KIF13A: variants seen among roughly 807,000 people sequenced by gnomAD.
The protein encoded by KIF13A is kinesin-like protein KIF13A.
In KIF13A, 79 loss-of-function variants were observed where a neutral mutation model predicts 212.2. The observed-to-expected ratio is 0.37, with a 90% CI of 0.31 to 0.45. The LOEUF (loss-of-function observed/expected upper bound fraction) is 0.45, where lower values mean the gene tolerates loss of function less well. Among genes scored for constraint, KIF13A ranks in the 20% least tolerant of loss-of-function variants. The pLI is 1.00. For missense variants in KIF13A, 1,901 were observed against 2,209.0 expected (o/e 0.86, Z 2.79); for synonymous variants, 789 against 808.6 (o/e 0.98, Z 0.41).
chr6:17,960,198 TA>T (rs1374217408), intron 2 of KIF13A, among the ~76,000 whole-genome samples: 1 of 151,680 alleles, frequency 6.6e-6, no homozygotes, highest in Non-Finnish European at 1.5e-5. Flanking sequence ...GGTAAAATCA[TA>T]AAAAAAGGTT....
At chr6:17,950,722 T>A (rs145800917) in intron 2 of KIF13A, 4 of 982,490 alleles carry the variant, frequency 4.1e-6, no homozygotes, top group South Asian at 9.4e-5. Flanking sequence ...ACGAAATATA[T>A]GACAAAAAAT....
chr6:17,881,130 T>C (rs940251451), intron 3 of KIF13A, among the ~76,000 whole-genome samples: 8 of 152,144 alleles, frequency 5.3e-5, no homozygotes, highest in African/African-American at 1.7e-4. Flanking sequence ...TGACTCCACC[T>C]TCTCAGAATC....
chr6:17,947,128 G>GCAAATA lies in KIF13A; in HGVS notation c.146+39925_146+39926insTATTTG. Among the ~76,000 whole-genome samples, 1 of 152,118 alleles carries GCAAATA rather than the reference G, an allele frequency of 6.6e-6. No individual in the cohort carries two copies. Among genetic ancestry groups the GCAAATA allele is most frequent in the South Asian group, 2.1e-4 (1 of 4,832 alleles). Reference sequence around the variant, plus strand: ...ACCAGGCAAATATAATATTAAAGTTGTTAAATTATAAAGAAAACTAAGGAA... The same window carrying GCAAATA: ...ACCAGGCAAATATAATATTAAAGTTGCAAATATTAAATTATAAAGAAAACTAAGGAA... On this transcript the variant is annotated intron_variant, in intron 2 of 38. Coordinates refer to ENST00000259711, the MANE Select transcript of KIF13A (RefSeq NM_022113.6). This position sits in a 1 kb window ranked among gnomAD's most constrained non-coding sequence, Gnocchi z 4.6.
chr6:17,986,463 G>A (rs560853605), intron 2 of KIF13A, among the ~76,000 whole-genome samples: 1 of 152,220 alleles, frequency 6.6e-6, no homozygotes, highest in East Asian at 1.9e-4. Flanking sequence ...CCCTACTTTT[G>A]TTTCTTTGAA....
At chr6:17,925,160 A>T (rs1775388585) in intron 2 of KIF13A, among the ~76,000 whole-genome samples, 1 of 152,220 alleles carries the variant, frequency 6.6e-6, no homozygotes, top group African/African-American at 2.4e-5. Context: ...ACAAGTGCAG[A>T]AACACTGAGG....
In KIF13A at chr6:17,785,406, A is replaced by G. The variant is rs1760964645; in HGVS notation, c.3488+109T>C. The G allele has an allele frequency of 1.6e-5, 20 of 1,256,812 alleles. No individual in the cohort carries two copies. Among genetic ancestry groups the G allele is most frequent in the Non-Finnish European group, 2.1e-5 (20 of 936,764 alleles). The allele number at this position is 1,256,812 out of a possible 1,614,324, so 77.9% of individuals were successfully genotyped here. A position where few individuals can be genotyped will look rare whatever the true frequency, so the allele number is the denominator to read the frequency against. On this transcript the variant is annotated intron_variant, in intron 28 of 38. Transcript: ENST00000259711. The surrounding 1 kb of genome is among the most constrained non-coding windows in gnomAD (Gnocchi z 5.8). ...TGAGTGGACATTCCCTAAGTAGTTC[A>G]GCTGGTTGGCATTTTCTGTGACAAT...
In KIF13A at chr6:17,850,409, C is replaced by A; in HGVS notation, c.631G>T (p.Ala211Ser). The change falls in exon 8 of 39, where the codon GCT becomes TCT. Residue 211 changes from alanine (A) to serine (S), a missense_variant. Physicochemically the swap from Ala to Ser is moderately conservative, Grantham distance 99. This residue lies in a region of KIF13A where 506 missense variants were observed against 637.4 expected (regional missense o/e 0.79). Transcript: ENST00000259711. The surrounding 1 kb of genome is among the most constrained non-coding windows in gnomAD (Gnocchi z 6.2). ...SEGNKSRTVA[A>S]TNMNEESSRS... ...CTGCTTTCTTCGTTCATGTTGGTAG[C>A]AGCTACCGTTCGAGACTTATTTCCC... 6.2e-7 allele frequency: 1 copy of A among 1,613,874 alleles called. No homozygotes were observed. Among genetic ancestry groups the A allele is most frequent in the Non-Finnish European group, 8.5e-7 (1 of 1,179,832 alleles).
chr6:17,817,124 G>A lies in KIF13A; in HGVS notation c.1896C>T (p.Arg632=), dbSNP rs1764020030. The change falls in exon 17 of 39, where the codon CGC becomes CGT. Residue 632 remains arginine, a synonymous_variant. Transcript: ENST00000259711. ...GCTGCCTGTCGGGGGAGAGCTGCTG[G>A]CGGAGTTGCTCCAGTTCCCGCTCAT... ...LMYERELEQL[R]QQLSPDRQPQ... 1 of 1,614,046 alleles carries A rather than the reference G, an allele frequency of 6.2e-7. No homozygotes were observed. The highest frequency in any genetic ancestry group is 1.3e-5 in the African/African-American group (1 of 75,074).
chr6:17,838,226 C>G lies in KIF13A; in HGVS notation c.831-643G>C, dbSNP rs1411895849. Among the ~76,000 whole-genome samples, 1 of 151,398 alleles carries G rather than the reference C, an allele frequency of 6.6e-6. No homozygotes were observed. The highest frequency in any genetic ancestry group is 2.4e-5 in the African/African-American group (1 of 41,160). On this transcript the variant is annotated intron_variant, in intron 9 of 38. Transcript: ENST00000259711. The surrounding 1 kb of genome is among the most constrained non-coding windows in gnomAD (Gnocchi z 4.2). ...GTCCCAGCTACTCGGGAGGCTGAGGCAGGAAAATTGCTTGAACCCGGGAGG... is the reference window on the plus strand; with the variant it reads ...GTCCCAGCTACTCGGGAGGCTGAGGGAGGAAAATTGCTTGAACCCGGGAGG...
At chr6:17,801,613 C>T (rs550662342) in intron 20 of KIF13A, among the ~76,000 whole-genome samples, 60 of 152,262 alleles carry the variant, frequency 3.9e-4, no homozygotes, top group Middle Eastern at 3.4e-3. Flanking sequence ...TAAACTTATC[C>T]ACTAACACAT....
In KIF13A at chr6:17,764,862, C is replaced by T; in HGVS notation, c.4666G>A (p.Asp1556Asn). The T allele has an allele frequency of 6.2e-7, 1 of 1,613,898 alleles. No individual in the cohort carries two copies. Residue 1556 changes from aspartate to asparagine, a missense_variant, in exon 39 of 39, where the codon GAC becomes AAC. Asp to Asn is a conservative substitution (Grantham distance 23, BLOSUM62 1). Transcript: ENST00000259711. The surrounding 1 kb of genome is among the most constrained non-coding windows in gnomAD (Gnocchi z 5.1). ...SQPYVPVEFA[D>N]FSVYNASLEN... ...AAGCTGGCATTGTAAACACTGAAGT[C>T]AGCAAACTCCACAGGTACATAAGGC...
intron 23 of KIF13A, among the ~76,000 whole-genome samples, chr6:17,795,550 G>A (rs927944112): frequency 5.4e-5 from 8 of 148,270 alleles, no homozygotes; most frequent in East Asian, 2.0e-4. Flanking sequence ...AGCTAAGATC[G>A]CACCACTGCA....
intron 2 of KIF13A, among the ~76,000 whole-genome samples, chr6:17,908,862 A>G (rs1773768791): frequency 6.6e-6 from 1 of 152,198 alleles, no homozygotes; most frequent in Admixed American, 6.5e-5. Flanking sequence ...TTAATTCTAC[A>G]AGATATAATG....
chr6:17,838,483 G>A lies in KIF13A; in HGVS notation c.831-900C>T, dbSNP rs995718717. ...CCACAAAACATAATTCCCCAAAGAC[G>A]AGTCACTGAAAAGTCCCCGAAATAT... On this transcript the variant is annotated intron_variant, in intron 9 of 38. Transcript: ENST00000259711. The surrounding 1 kb of genome is among the most constrained non-coding windows in gnomAD (Gnocchi z 4.2). 3.9e-5 allele frequency among the ~76,000 whole-genome samples: 6 copies of A among 151,962 alleles called. No homozygotes were observed. The highest frequency in any genetic ancestry group is 7.4e-5 in the Non-Finnish European group (5 of 68,014).
intron 14 of KIF13A, among the ~76,000 whole-genome samples, chr6:17,827,037 G>A (rs1227853490): frequency 1.3e-5 from 2 of 151,150 alleles, no homozygotes; most frequent in East Asian, 1.9e-4. Flanking sequence ...ACTCCAGCCC[G>A]GGCAACAGAG....
chr6:17,934,422 G>A lies in KIF13A; in HGVS notation c.147-36242C>T, dbSNP rs906174622. 6.6e-6 allele frequency among the ~76,000 whole-genome samples: 1 copy of A among 152,080 alleles called. No homozygotes were observed. Among genetic ancestry groups the A allele is most frequent in the Non-Finnish European group, 1.5e-5 (1 of 68,014 alleles). ...TGCTACATGCTCCCAAAGCTAAAAA[G>A]CCAAATGAAATATTCCAGCAGGTAG... On this transcript the variant is annotated intron_variant, in intron 2 of 38. Coordinates refer to ENST00000259711, the MANE Select transcript of KIF13A (RefSeq NM_022113.6). The surrounding 1 kb of genome is among the most constrained non-coding windows in gnomAD (Gnocchi z 5.4).
At position 17,808,751 on chromosome 6, in the gene KIF13A, T is replaced by G. The variant is rs1763189896; in HGVS notation, c.2163+17A>C. 3 of 1,605,878 alleles carry G rather than the reference T, an allele frequency of 1.9e-6. No individual in the cohort carries two copies. In the African/African-American group the frequency reaches 4.0e-5, roughly 21 times the overall value. On this transcript the variant is annotated intron_variant, in intron 18 of 38. Coordinates refer to ENST00000259711, the MANE Select transcript of KIF13A (RefSeq NM_022113.6). ...ACTATTGTGCATCTTGCCCTCTCAC[T>G]TGAAGGACATTCTTACCTTCCTATT...
chr6:17,979,605 TAC>T (rs1780877456), intron 2 of KIF13A, among the ~76,000 whole-genome samples: 1 of 152,150 alleles, frequency 6.6e-6, no homozygotes, highest in African/African-American at 2.4e-5. Context: ...TTAGGTGAGA[TAC>T]AGTTATATCT....
intron 2 of KIF13A, chr6:17,953,728 C>A: frequency 5.2e-6 from 1 of 192,236 alleles, no homozygotes; most frequent in South Asian, 1.0e-4. Flanking sequence ...CTGTGTATAT[C>A]AAGTTGGTGC....
Sources: allele counts gnomAD v4.1 joint callset (sites outside exome capture counted in the v4.1 genomes callset), GRCh38; gene constraint gnomAD v4.1.1; regional missense constraint gnomAD v4.1.1; non-coding constraint Gnocchi (gnomAD v3.1); transcripts MANE v1.5; gene names NCBI Gene and HGNC (gene_info 2026-07-23, HGNC 2026-07-21).